SLC14A2: variants seen among roughly 807,000 people sequenced by gnomAD.
The protein encoded by SLC14A2 is urea transporter 2.
SLC14A2 carries 91 observed loss-of-function variants against 104.6 expected under a neutral mutation model. The observed-to-expected ratio is 0.87, with a 90% CI of 0.73 to 1.04. The LOEUF (loss-of-function observed/expected upper bound fraction) is 1.04. Ranked by LOEUF, SLC14A2 falls within the 50% of genes least tolerant of loss-of-function variation. SLC14A2 has a pLI of 0.00. For synonymous variants in SLC14A2, 476 were observed against 466.4 expected, an observed-to-expected ratio of 1.02 and a Z score of -0.27; for missense variants, 1,189 against 1,156.0, an observed-to-expected ratio of 1.03 and a Z score of -0.41.
chr18:45,528,960 G>A (rs971701643), intron 2 of SLC14A2: 7 of 152,236 alleles, frequency 4.6e-5, no homozygotes, highest in Non-Finnish European at 8.8e-5. Flanking sequence ...GGGGAAGCCA[G>A]CGGCTATAAA....
intron 4 of SLC14A2, among the ~76,000 whole-genome samples, chr18:45,631,071 C>T (rs1156469766): frequency 6.6e-6 from 1 of 152,234 alleles, no homozygotes; most frequent in Non-Finnish European, 1.5e-5. Flanking sequence ...GCCAGAATTC[C>T]CTTCCTGCAT....
intron 1 of SLC14A2, among the ~76,000 whole-genome samples, chr18:45,404,505 G>A (rs1014173509): frequency 6.6e-6 from 1 of 152,174 alleles, no homozygotes; most frequent in African/African-American, 2.4e-5. Context: ...TGGGAAGCTT[G>A]AAGGTTAGAT....
intron 1 of SLC14A2, among the ~76,000 whole-genome samples, chr18:45,476,279 CTTTGT>C (rs1360057018): frequency 1.3e-5 from 2 of 152,238 alleles, no homozygotes; most frequent in Admixed American, 1.3e-4. Context: ...ATTGAAAACT[CTTTGT>C]TTTAAGAATT....
chr18:45,622,781 T>C (rs1457406193), intron 1 of SLC14A2, among the ~76,000 whole-genome samples: 1 of 152,038 alleles, frequency 6.6e-6, no homozygotes, highest in Non-Finnish European at 1.5e-5. Context: ...GGACTGAAAG[T>C]GGACTTGCCA....
chr18:45,613,465 C>T (rs745572394), upstream of SLC14A2, among the ~76,000 whole-genome samples: 2 of 152,018 alleles, frequency 1.3e-5, no homozygotes, highest in Non-Finnish European at 2.9e-5. Flanking sequence ...TTGGAGAGCT[C>T]GGAGGAAGAT....
At chr18:45,581,262 C>T (rs1019275936) in intron 2 of SLC14A2, among the ~76,000 whole-genome samples, 4 of 152,116 alleles carry the variant, frequency 2.6e-5, no homozygotes, top group African/African-American at 4.8e-5. Flanking sequence ...GTGGGCCACC[C>T]GTGTGCCTTG....
At chr18:45,358,506 G>A (rs149161024) in intron 1 of SLC14A2, among the ~76,000 whole-genome samples, 1 of 152,286 alleles carries the variant, frequency 6.6e-6, no homozygotes, top group East Asian at 1.9e-4. Context: ...ACTCCACAGA[G>A]TCCTATTGGC....
chr18:45,626,825 G>T, intron 3 of SLC14A2, 133 bp from the exon 4 acceptor site: 2 of 177,496 alleles, frequency 1.1e-5, no homozygotes, highest in Non-Finnish European at 2.2e-5. Flanking sequence ...CCTCCACCCC[G>T]ACCCCTGGCC....
rs759619519 is a variant in SLC14A2, at chr18:45,678,940, T to C, written c.2513-35T>C. 7.7e-6 allele frequency: 12 copies of C among 1,555,574 alleles called. No homozygotes were observed. In the South Asian group the frequency reaches 1.1e-4, roughly 15 times the overall value. ...TCTTGAGGTGCTATTAAATAGTTAC[T>C]GGTCTATTTCTTTCTTTTTTTTTTT... On this transcript the variant is annotated intron_variant, in intron 18 of 19. Coordinates refer to ENST00000255226, the MANE Select transcript of SLC14A2 (RefSeq NM_007163.4).
chr18:45,513,117 G>A (rs1399599582), intron 2 of SLC14A2, among the ~76,000 whole-genome samples: 1 of 152,074 alleles, frequency 6.6e-6, no homozygotes, highest in African/African-American at 2.4e-5. Flanking sequence ...CATATCATGG[G>A]GTTACCTTGA....
chr18:45,442,377 C>T (rs188270628), intron 1 of SLC14A2, among the ~76,000 whole-genome samples: 1 of 152,266 alleles, frequency 6.6e-6, no homozygotes, highest in Admixed American at 6.5e-5. Context: ...CCTTCTGAGA[C>T]TGTGAGGAAG....
At chr18:45,592,530 A>G (rs573653482) in intron 2 of SLC14A2, among the ~76,000 whole-genome samples, 1 of 152,356 alleles carries the variant, frequency 6.6e-6, no homozygotes, top group African/African-American at 2.4e-5. Context: ...GTGGCCAAGC[A>G]TGCTGCCTGA....
chr18:45,585,664 C>T (rs964552343), intron 2 of SLC14A2, among the ~76,000 whole-genome samples: 4 of 152,210 alleles, frequency 2.6e-5, no homozygotes, highest in African/African-American at 9.6e-5. Context: ...GTGAAACTAA[C>T]AGGGTGGCTT....
chr18:45,496,622 C>A (rs543786686), intron 2 of SLC14A2, among the ~76,000 whole-genome samples: 2 of 152,282 alleles, frequency 1.3e-5, no homozygotes, highest in Admixed American at 1.3e-4. Flanking sequence ...AAAACCCCAT[C>A]TCTAGCAAAA....
At chr18:45,296,438 G>A (rs1265287152) in intron 1 of SLC14A2, among the ~76,000 whole-genome samples, 2 of 152,214 alleles carry the variant, frequency 1.3e-5, no homozygotes, top group Non-Finnish European at 2.9e-5. Flanking sequence ...TGTTTCTCTA[G>A]CATTAAATAG....
chr18:45,262,540 T>G (rs1469671675), intron 1 of SLC14A2, among the ~76,000 whole-genome samples: 1 of 152,180 alleles, frequency 6.6e-6, no homozygotes, highest in Non-Finnish European at 1.5e-5. Flanking sequence ...CCCCTATTAA[T>G]TAATGCCCAC....
chr18:45,320,972 A>T (rs1029811933), intron 1 of SLC14A2, among the ~76,000 whole-genome samples: 2 of 152,240 alleles, frequency 1.3e-5, no homozygotes, highest in Non-Finnish European at 2.9e-5. Flanking sequence ...GCGATTTCAC[A>T]TGGGGAAAAT....
chr18:45,624,490 C>G lies in SLC14A2; in HGVS notation c.-34-141C>G. The G allele has an allele frequency of 1.2e-5, 6 of 480,264 alleles. No individual in the cohort carries two copies. In the South Asian group the frequency reaches 2.2e-4, roughly 17 times the overall value. The allele number at this position is 480,264 out of a possible 1,614,324, so 29.8% of individuals were successfully genotyped here. A position where few individuals can be genotyped will look rare whatever the true frequency, so the allele number is the denominator to read the frequency against. Reference sequence around the variant, plus strand: ...AGGTAATGAGGTAGAGAAATGTCCTCAACTCTACAGCACAAGCTGTAGATC... The same window carrying G: ...AGGTAATGAGGTAGAGAAATGTCCTGAACTCTACAGCACAAGCTGTAGATC... On this transcript the variant is annotated intron_variant, in intron 1 of 19. Transcript: ENST00000255226.
At chr18:45,249,231 T>C (rs1430376377) in intron 1 of SLC14A2, among the ~76,000 whole-genome samples, 1 of 152,050 alleles carries the variant, frequency 6.6e-6, no homozygotes, top group Non-Finnish European at 1.5e-5. Context: ...TGGAGATGTT[T>C]CCTTCATTAA....
Sources: allele counts gnomAD v4.1 joint callset (sites outside exome capture counted in the v4.1 genomes callset), GRCh38; gene constraint gnomAD v4.1.1; transcripts MANE v1.5; gene names NCBI Gene and HGNC (gene_info 2026-07-23, HGNC 2026-07-21).